Variants in RTTN observed in about 807,000 individuals in gnomAD.
The protein encoded by RTTN is rotatin.
Under a neutral mutation model 269.2 loss-of-function variants are expected in RTTN, and 182 were observed. The observed-to-expected ratio is 0.68, with a 90% CI of 0.60 to 0.76. The LOEUF (loss-of-function observed/expected upper bound fraction) is 0.76. Ranked by LOEUF, RTTN falls within the 30% of genes least tolerant of loss-of-function variation. The probability of loss-of-function intolerance (pLI) is 0.00; values close to 1 mark genes in which losing one functional copy is unlikely to be tolerated. For missense variants in RTTN, 2,545 were observed against 2,608.6 expected (o/e 0.98, Z 0.53); for synonymous variants, 1,006 against 963.5 (o/e 1.04, Z -0.82).
intron 10 of RTTN, among the ~76,000 whole-genome samples, chr18:70,184,456 T>C (rs1380302650): frequency 6.6e-6 from 1 of 151,700 alleles, no homozygotes; most frequent in Admixed American, 6.6e-5. Context: ...GCTGAAGCTG[T>C]AGTGACAGTC....
Position 70,114,429 on chromosome 18 carries a change from A to G in RTTN, c.3683+16T>C, listed in dbSNP as rs1399529992. The G allele has an allele frequency of 1.2e-6, 2 of 1,607,786 alleles. No individual in the cohort carries two copies. Among genetic ancestry groups the G allele is most frequent in the African/African-American group, 2.7e-5 (2 of 74,672 alleles). On this transcript the variant is annotated intron_variant, in intron 27 of 48. Coordinates refer to ENST00000640769, the MANE Select transcript of RTTN (RefSeq NM_173630.4). ...CTATATAAATGCACCTAAACCTGCA[A>G]TATTACAAATGGTACCTGTCAGTAA...
In RTTN at chr18:70,073,493, T is replaced by C. The variant is rs186603665; in HGVS notation, c.4653+413A>G. On this transcript the variant is annotated intron_variant, in intron 34 of 48. Coordinates refer to ENST00000640769, the MANE Select transcript of RTTN (RefSeq NM_173630.4). Reference sequence around the variant, plus strand: ...AGGGTAATCAACCATTTTTAACATGTAGGATTTGTTCTCTTCTAATACTAA... The same window carrying C: ...AGGGTAATCAACCATTTTTAACATGCAGGATTTGTTCTCTTCTAATACTAA... 1.1e-3 allele frequency among the ~76,000 whole-genome samples: 175 copies of C among 152,276 alleles called. 6 individuals carry two copies. The highest frequency in any genetic ancestry group is 0.011 in the Admixed American group (170 of 15,296).
At chr18:70,166,270 T>C in intron 13 of RTTN, 82 bp from the exon 14 acceptor site, 6 of 1,355,570 alleles carry the variant, frequency 4.4e-6, no homozygotes, top group Non-Finnish European at 6.2e-6. Flanking sequence ...TGGAAGGGAT[T>C]TCTTCCTACT....
In RTTN at chr18:70,037,901, A is replaced by G. The variant is rs376352253; in HGVS notation, c.5542-6920T>C. 1.3e-4 allele frequency among the ~76,000 whole-genome samples: 20 copies of G among 152,180 alleles called. No homozygotes were observed. In the East Asian group the frequency reaches 2.1e-3, roughly 16 times the overall value. ...CTGATTGTCCTGAAGGGTGAGCCCC[A>G]GGTCTGGCAACATTCGTCACAGAAT... is the stretch of plus-strand genomic sequence containing the variant. On this transcript the variant is annotated intron_variant, in intron 40 of 48. Transcript: ENST00000640769.
At position 70,196,514 on chromosome 18, in the gene RTTN, G is replaced by GA. The variant is rs757058187; in HGVS notation, c.827dup (p.Ser277LeufsTer3). 5 of 1,609,926 alleles carry GA rather than the reference G, an allele frequency of 3.1e-6. No individual in the cohort carries two copies. Among genetic ancestry groups the GA allele is most frequent in the Non-Finnish European group, 1.7e-6 (2 of 1,179,016 alleles). ...AAAAATAAATACCGTGTTTATTGGAGAAAAAACCTGGATCTCGGTGAAAGT... is the reference window on the plus strand; with the variant it reads ...AAAAATAAATACCGTGTTTATTGGAGAAAAAAACCTGGATCTCGGTGAAAGT... On this transcript the variant is annotated frameshift_variant, in exon 7 of 49. Coordinates refer to ENST00000640769, the MANE Select transcript of RTTN (RefSeq NM_173630.4). LOFTEE classifies it high-confidence loss of function.
At chr18:70,018,278 T>C (rs2056601057) in intron 45 of RTTN, among the ~76,000 whole-genome samples, 1 of 152,194 alleles carries the variant, frequency 6.6e-6, no homozygotes, top group Non-Finnish European at 1.5e-5. Flanking sequence ...TAAGAGTCTT[T>C]TCAACCTCCA....
At chr18:70,055,732 G>T (rs879909959) in intron 37 of RTTN, among the ~76,000 whole-genome samples, 1 of 152,108 alleles carries the variant, frequency 6.6e-6, no homozygotes, top group Non-Finnish European at 1.5e-5. Flanking sequence ...ACGCTGAATT[G>T]CTAAAGATTC....
At chr18:70,124,031 G>A (rs1217648429) in intron 25 of RTTN, among the ~76,000 whole-genome samples, 3 of 151,188 alleles carry the variant, frequency 2.0e-5, no homozygotes, top group Admixed American at 2.0e-4. Flanking sequence ...AAAATAGCAT[G>A]AACAAATGAG....
intron 14 of RTTN, among the ~76,000 whole-genome samples, chr18:70,158,513 T>C (rs938463582): frequency 2.0e-5 from 3 of 152,142 alleles, no homozygotes; most frequent in African/African-American, 7.2e-5. Context: ...CATCTCCCAC[T>C]GACACTATGA....
At chr18:70,069,562 T>C (rs1407096747) in intron 34 of RTTN, among the ~76,000 whole-genome samples, 1 of 152,198 alleles carries the variant, frequency 6.6e-6, no homozygotes, top group Non-Finnish European at 1.5e-5. Context: ...AACTGGAATG[T>C]AAAAAACAAT....
At chr18:70,161,658 CAAAT>C (rs535557082) in intron 14 of RTTN, among the ~76,000 whole-genome samples, 90 of 152,118 alleles carry the variant, frequency 5.9e-4, no homozygotes, top group African/African-American at 2.1e-3. Flanking sequence ...AAGTAAAAAA[CAAAT>C]AACCCCATTA....
chr18:70,087,562 A>C (rs1214158001), intron 31 of RTTN, among the ~76,000 whole-genome samples: 1 of 152,174 alleles, frequency 6.6e-6, no homozygotes, highest in Non-Finnish European at 1.5e-5. Context: ...ATAAAAAAAA[A>C]CCACAAGCTA....
At chr18:70,054,075 G>A in intron 38 of RTTN, 56 bp downstream of exon 38, 1 of 1,420,440 alleles carries the variant, frequency 7.0e-7, no homozygotes, top group South Asian at 1.3e-5. Context: ...AACAGAGTAA[G>A]TTTTTTTTCC....
At chr18:70,150,257 C>A in intron 15 of RTTN, 170 bp from the exon 16 acceptor site, 1 of 587,818 alleles carries the variant, frequency 1.7e-6, no homozygotes. Flanking sequence ...TGTTTTTCTT[C>A]CTTAATATTT....
At position 70,050,036 on chromosome 18, in the gene RTTN, A is replaced by G. The variant is rs141718175; in HGVS notation, c.5323+1375T>C. Among the ~76,000 whole-genome samples the G allele has an allele frequency of 9.5e-4, 145 of 152,316 alleles. No homozygotes were observed. In the East Asian group the frequency reaches 0.026, roughly 27 times the overall value. ...TATCTCATTGTTTTATAATCATATC[A>G]TATGTACCTTTATAAAACCACAGGC... On this transcript the variant is annotated intron_variant, in intron 39 of 48. Coordinates refer to ENST00000640769, the MANE Select transcript of RTTN (RefSeq NM_173630.4).
At chr18:70,105,537 C>T (rs549687232) in intron 28 of RTTN, among the ~76,000 whole-genome samples, 21 of 152,286 alleles carry the variant, frequency 1.4e-4, no homozygotes, top group Non-Finnish European at 2.6e-4. Context: ...CCCGGTACCT[C>T]AGCTGGAAAT....
rs2059172493 is a variant in RTTN, at chr18:70,101,704, G to A, written c.3903+7794C>T. 2.0e-5 allele frequency among the ~76,000 whole-genome samples: 3 copies of A among 152,240 alleles called. No individual in the cohort carries two copies. In the South Asian group the frequency reaches 6.2e-4, roughly 32 times the overall value. On this transcript the variant is annotated intron_variant, in intron 28 of 48. Coordinates refer to ENST00000640769, the MANE Select transcript of RTTN (RefSeq NM_173630.4). ...TTTTAGATCTTTCCTGCTTTCTCCT[G>A]TGGGCATTTAGTGCTATAAATTTCC...
At chr18:70,110,962 G>A (rs528593365) in intron 27 of RTTN, among the ~76,000 whole-genome samples, 27 of 152,340 alleles carry the variant, frequency 1.8e-4, no homozygotes, top group African/African-American at 6.0e-4. Flanking sequence ...TTCGAACTGG[G>A]CAGAGCCCAC....
At chr18:70,029,614 A>C (rs1264833551) in intron 42 of RTTN, among the ~76,000 whole-genome samples, 2 of 152,156 alleles carry the variant, frequency 1.3e-5, no homozygotes, top group African/African-American at 4.8e-5. Flanking sequence ...TGAGATAATA[A>C]ATATGAAATG....
Sources: gnomAD v4.1 joint callset for allele counts (sites outside exome capture counted in the v4.1 genomes callset) on GRCh38, gnomAD v4.1.1 for gene constraint, MANE v1.5 for transcripts, NCBI Gene and HGNC (gene_info 2026-07-23, HGNC 2026-07-21) for gene names.